SIRT1: variants seen among roughly 807,000 people sequenced by gnomAD.
The protein encoded by SIRT1 is NAD-dependent protein deacetylase sirtuin-1.
In SIRT1, 24 loss-of-function variants were observed where a neutral mutation model predicts 67.9. That is an observed-to-expected ratio of 0.35 (90% CI 0.26 to 0.50). The LOEUF (loss-of-function observed/expected upper bound fraction) is 0.50, where lower values mean the gene tolerates loss of function less well. Ranked by LOEUF, SIRT1 falls within the 20% of genes least tolerant of loss-of-function variation. The probability of loss-of-function intolerance (pLI) is 0.98; values close to 1 mark genes in which losing one functional copy is unlikely to be tolerated. For missense variants in SIRT1, 873 were observed against 937.2 expected (o/e 0.93, Z 0.89); for synonymous variants, 378 against 350.7 (o/e 1.08, Z -0.87).
chr10:67,889,059 C>G lies in SIRT1; in HGVS notation c.725C>G (p.Thr242Arg). Residue 242 changes from threonine to arginine, a missense_variant, in exon 3 of 9, where the codon ACA becomes AGA. Physicochemically the swap from Thr to Arg is moderately conservative, Grantham distance 71 (BLOSUM62 -1). Transcript: ENST00000212015. ...PKRKKRKDIN[T>R]IEDAVKLLQE... Reference sequence around the variant, plus strand: ...AGGAAAAAAAGAAAAGATATTAATACAATTGAAGATGCTGTGAAATTACTG... The same window carrying G: ...AGGAAAAAAAGAAAAGATATTAATAGAATTGAAGATGCTGTGAAATTACTG... The G allele has an allele frequency of 1.2e-6, 2 of 1,610,958 alleles. No homozygotes were observed. Among genetic ancestry groups the G allele is most frequent in the East Asian group, 2.2e-5 (1 of 44,846 alleles).
chr10:67,907,970 C>T (rs1842846179), intron 5 of SIRT1, 76 bp from the exon 6 acceptor site: 1 of 1,262,516 alleles, frequency 7.9e-7, no homozygotes, highest in Non-Finnish European at 1.1e-6. Flanking sequence ...TGATGTTAAA[C>T]TTTATAACGT....
At chr10:67,913,467 A>G (rs570306062) in intron 8 of SIRT1, among the ~76,000 whole-genome samples, 94 of 152,338 alleles carry the variant, frequency 6.2e-4, no homozygotes, top group African/African-American at 2.2e-3. Flanking sequence ...AATCCAGTCT[A>G]TTTATGCTTA....
intron 7 of SIRT1, among the ~76,000 whole-genome samples, chr10:67,911,784 C>T (rs1842903689): frequency 1.6e-5 from 2 of 124,746 alleles, no homozygotes; most frequent in Admixed American, 7.5e-5. Flanking sequence ...CCCACCCTCC[C>T]TCCCTCCCTC....
rs1422614899 is a variant in SIRT1, at chr10:67,884,767, T to A, written c.46T>A (p.Ser16Thr). The A allele has an allele frequency of 2.5e-5, 30 of 1,224,062 alleles. No homozygotes were observed. Among genetic ancestry groups the A allele is most frequent in the Non-Finnish European group, 2.9e-5 (29 of 983,258 alleles). The allele number at this position is 1,224,062 out of a possible 1,614,324, so 75.8% of individuals were successfully genotyped here. A position where few individuals can be genotyped will look rare whatever the true frequency, so the allele number is the denominator to read the frequency against. Reference sequence around the variant, plus strand: ...CGCCCTTCAGCCCGGCGGCTCCCCCTCGGCGGCGGGGGCCGACAGGGAGGC... The same window carrying A: ...CGCCCTTCAGCCCGGCGGCTCCCCCACGGCGGCGGGGGCCGACAGGGAGGC... ...ALALQPGGSP[S>T]AAGADREAAS... Residue 16 changes from serine to threonine, a missense_variant, in exon 1 of 9, where the codon TCG becomes ACG. Transcript: ENST00000212015.
chr10:67,896,440 G>A (rs904252224), intron 4 of SIRT1, among the ~76,000 whole-genome samples: 14 of 152,258 alleles, frequency 9.2e-5, no homozygotes, highest in South Asian at 2.1e-4. Context: ...CACTGCACCC[G>A]GCCTTGGGCT....
chr10:67,915,315 G>C (rs1246967590), intron 8 of SIRT1, among the ~76,000 whole-genome samples: 1 of 152,324 alleles, frequency 6.6e-6, no homozygotes, highest in East Asian at 1.9e-4. Context: ...GTGAAGAGAT[G>C]TTAAGTTAGG....
At chr10:67,904,018 A>G (rs765552727) in intron 4 of SIRT1, among the ~76,000 whole-genome samples, 10 of 152,082 alleles carry the variant, frequency 6.6e-5, no homozygotes, top group Non-Finnish European at 1.3e-4. Flanking sequence ...TTGTATCTCC[A>G]GTCATTGGTT....
At chr10:67,908,222 T>A (rs1024198123) in intron 6 of SIRT1, 97 bp downstream of exon 6, 5 of 931,672 alleles carry the variant, frequency 5.4e-6, no homozygotes, top group Non-Finnish European at 8.1e-6. Flanking sequence ...GTATATATGG[T>A]ACAGAAAGAT....
intron 2 of SIRT1, 128 bp from the exon 3 acceptor site, chr10:67,888,754 T>C: frequency 2.0e-6 from 2 of 990,976 alleles, no homozygotes; most frequent in Admixed American, 4.9e-5. Flanking sequence ...GAGAATGAAA[T>C]ACCATTAAAT....
rs2273773 is a variant in SIRT1 at position 67,906,841 on chromosome 10, T to C, written c.994T>C (p.Leu332=). ...QPSLCHKFIA[L]SDKEGKLLRN... The stretch of plus-strand genomic sequence containing the variant: ...ATCTCTCTGTCACAAATTCATAGCC[T>C]TGTCAGATAAGGAAGGAAAACTACT... The change falls in exon 5 of 9, where the codon TTG becomes CTG. Residue 332 remains leucine (L), a synonymous_variant. Coordinates refer to ENST00000212015, the MANE Select transcript of SIRT1 (RefSeq NM_012238.5). 129,725 of 1,612,912 alleles carry C rather than the reference T, an allele frequency of 0.08. 7,456 individuals carry two copies. Among genetic ancestry groups the C allele is most frequent in the East Asian group, 0.31 (13,855 of 44,770 alleles).
intron 1 of SIRT1, among the ~76,000 whole-genome samples, chr10:67,886,008 C>A (rs1842473997): frequency 7.2e-6 from 1 of 139,328 alleles, no homozygotes; most frequent in Admixed American, 7.8e-5. Context: ...TGCAGTGGCG[C>A]GATCTCGGCT....
At chr10:67,888,837 A>G in intron 2 of SIRT1, 45 bp from the exon 3 acceptor site, 1 of 1,544,968 alleles carries the variant, frequency 6.5e-7, no homozygotes, top group East Asian at 2.3e-5. Context: ...TGAGATTTTG[A>G]ATTACTTGAT....
rs376698986 is a variant in SIRT1, at chr10:67,907,364, A to G, written c.1090+427A>G. Among the ~76,000 whole-genome samples, 8 of 152,010 alleles carry G rather than the reference A, an allele frequency of 5.3e-5. No homozygotes were observed. The East Asian group carries it at 1.2e-3, about 22-fold the overall frequency. ...ACTAAAATTAGCCGGGCATGGTGGC[A>G]GGCGCCTGTAATCCCAGCTACTCAG... On this transcript the variant is annotated intron_variant, in intron 5 of 8. Coordinates refer to ENST00000212015, the MANE Select transcript of SIRT1 (RefSeq NM_012238.5).
intron 6 of SIRT1, 108 bp downstream of exon 6, chr10:67,908,233 T>A: frequency 1.2e-6 from 1 of 863,778 alleles, no homozygotes; most frequent in Non-Finnish European, 1.8e-6. Context: ...ACAGAAAGAT[T>A]CAGGAAGAAA....
chr10:67,884,905 G>T lies in SIRT1; in HGVS notation c.184G>T (p.Ala62Ser). The stretch of plus-strand genomic sequence containing the variant: ...GGCGGCCCCAGAGCGTGAGGTGCCG[G>T]CGGCGGCCAGGGGCTGCCCGGGTGC... ...GGAAPEREVPAAARGCPGAAA... is the reference protein window; with the variant it reads ...GGAAPEREVPSAARGCPGAAA... Residue 62 changes from alanine to serine, a missense_variant, in exon 1 of 9, where the codon GCG becomes TCG. Physicochemically the swap from Ala to Ser is moderately conservative, Grantham distance 99. Around this residue, in one of 3 missense-constraint regions of SIRT1, gnomAD observed 327 missense variants for 283.9 expected, o/e 1.15. Coordinates refer to ENST00000212015, the MANE Select transcript of SIRT1 (RefSeq NM_012238.5). 8.2e-7 allele frequency: 1 copy of T among 1,221,400 alleles called. No homozygotes were observed. Among genetic ancestry groups the T allele is most frequent in the Non-Finnish European group, 1.0e-6 (1 of 981,962 alleles). The allele number at this position is 1,221,400 out of a possible 1,614,324, so 75.7% of individuals were successfully genotyped here.
chr10:67,885,454 T>C (rs560367146), intron 1 of SIRT1: 1 of 1,148,128 alleles, frequency 8.7e-7, no homozygotes, highest in African/African-American at 1.6e-5. Flanking sequence ...CTCTTACTCT[T>C]TTAGCATATT....
chr10:67,916,565 A>G lies in SIRT1; in HGVS notation c.2216A>G (p.Asp739Gly). The change falls in exon 9 of 9, where the codon GAC becomes GGC. Residue 739 changes from aspartate to glycine, a missense_variant. Asp to Gly is a moderately conservative substitution (Grantham distance 94). Around this residue, in one of 3 missense-constraint regions of SIRT1, gnomAD observed 295 missense variants for 294.5 expected, o/e 1.00. Coordinates refer to ENST00000212015, the MANE Select transcript of SIRT1 (RefSeq NM_012238.5). ...ATATCTGTGAAACAGGAAGTAACAG[A>G]CATGAACTATCCATCAAACAAATCA... Reference protein sequence around the residue: ...EAISVKQEVTDMNYPSNKS With the variant: ...EAISVKQEVTGMNYPSNKS 1 of 1,612,586 alleles carries G rather than the reference A, an allele frequency of 6.2e-7. No individual in the cohort carries two copies. The highest frequency in any genetic ancestry group is 8.5e-7 in the Non-Finnish European group (1 of 1,178,822).
chr10:67,891,570 C>T lies in SIRT1; in HGVS notation c.942+16C>T, dbSNP rs754385316. 6.2e-7 allele frequency: 1 copy of T among 1,611,946 alleles called. No individual in the cohort carries two copies. The highest frequency in any genetic ancestry group is 1.1e-5 in the South Asian group (1 of 90,820). ...GTTTGCAAAGGTACTATGAACTCTT[C>T]TGGTTGTTTCTTTGGCCTTCTCTCA... On this transcript the variant is annotated intron_variant, in intron 4 of 8. Transcript: ENST00000212015.
At chr10:67,900,020 A>G (rs1468682176) in intron 4 of SIRT1, among the ~76,000 whole-genome samples, 3 of 152,002 alleles carry the variant, frequency 2.0e-5, no homozygotes, top group Non-Finnish European at 4.4e-5. Context: ...GGAGGCGGAG[A>G]TTGCAGTGAG....
Sources: allele counts gnomAD v4.1 joint callset (sites outside exome capture counted in the v4.1 genomes callset), GRCh38; gene constraint gnomAD v4.1.1; regional missense constraint gnomAD v4.1.1; transcripts MANE v1.5; gene names NCBI Gene and HGNC (gene_info 2026-07-23, HGNC 2026-07-21).